The following MAOB variants were observed in gnomAD, a reference collection of about 807,000 sequenced individuals.
MAOB encodes the protein monoamine oxidase B.
A neutral mutation model predicts 41.9 loss-of-function variants in MAOB; 15 were observed. The observed-to-expected ratio is 0.36, with a 90% CI of 0.24 to 0.55. The LOEUF is 0.55. Among genes scored for constraint, MAOB ranks in the 20% least tolerant of loss-of-function variants. The probability of loss-of-function intolerance (pLI) is 0.86; values close to 1 mark genes in which losing one functional copy is unlikely to be tolerated. For missense variants in MAOB, 345 were observed against 398.7 expected, an observed-to-expected ratio of 0.87 and a Z score of 1.15; for synonymous variants, 167 against 144.2, an observed-to-expected ratio of 1.16 and a Z score of -1.13.
At chrX:43,783,227 G>T (rs1387126868) in intron 8 of MAOB, among the ~76,000 whole-genome samples, 1 of 112,025 alleles carries the variant, frequency 8.9e-6, no homozygotes, top group Non-Finnish European at 1.9e-5. Context: ...TGACATGATT[G>T]TATATTTATT....
chrX:43,808,714 A>G (rs931920464), intron 3 of MAOB, among the ~76,000 whole-genome samples: 10 of 109,082 alleles, frequency 9.2e-5, no homozygotes, highest in African/African-American at 3.4e-4. Flanking sequence ...ACACACACAC[A>G]CACACACACA....
intron 1 of MAOB, among the ~76,000 whole-genome samples, chrX:43,866,693 A>G (rs1157608464): frequency 8.9e-6 from 1 of 112,840 alleles, no homozygotes; most frequent in Non-Finnish European, 1.9e-5. Context: ...CTGTACACCT[A>G]AAACAGTTAA....
intron 1 of MAOB, among the ~76,000 whole-genome samples, chrX:43,856,015 A>G (rs1345242501): frequency 8.9e-6 from 1 of 111,839 alleles, no homozygotes; most frequent in Non-Finnish European, 1.9e-5. Flanking sequence ...CCCTTGAAAA[A>G]GCAAAAATAA....
intron 11 of MAOB, 70 bp from the exon 12 acceptor site, chrX:43,775,342 A>G (rs2034241790): frequency 2.6e-6 from 3 of 1,146,246 alleles, no homozygotes; most frequent in Middle Eastern, 2.4e-4. Context: ...TAAATCGAAC[A>G]GTTTAGTAGG....
At chrX:43,874,244 C>A (rs1569233976) in intron 1 of MAOB, among the ~76,000 whole-genome samples, 1 of 111,964 alleles carries the variant, frequency 8.9e-6, no homozygotes, top group Non-Finnish European at 1.9e-5. Flanking sequence ...CATTAAATTA[C>A]AACTAATTAT....
chrX:43,832,400 C>T (rs777241279), intron 3 of MAOB, among the ~76,000 whole-genome samples: 7 of 111,642 alleles, frequency 6.3e-5, no homozygotes, highest in Non-Finnish European at 1.1e-4. Flanking sequence ...CTGAACAACA[C>T]AGGTTTGAAC....
intron 3 of MAOB, among the ~76,000 whole-genome samples, chrX:43,803,690 T>C (rs2034626965): frequency 8.9e-6 from 1 of 111,891 alleles, no homozygotes; most frequent in Non-Finnish European, 1.9e-5. Flanking sequence ...TACAAGTACA[T>C]AAGTGGAGTT....
chrX:43,797,788 C>A (rs1421353368), intron 5 of MAOB, among the ~76,000 whole-genome samples: 1 of 112,017 alleles, frequency 8.9e-6, no homozygotes, highest in Admixed American at 9.5e-5. Flanking sequence ...CACCTGGTAT[C>A]TGTTCACCAC....
intron 2 of MAOB, among the ~76,000 whole-genome samples, chrX:43,842,329 A>C (rs2035146548): frequency 8.9e-6 from 1 of 112,353 alleles, no homozygotes; most frequent in South Asian, 3.7e-4. Flanking sequence ...ACTAATCATT[A>C]GGGAAATCCA....
At chrX:43,836,372 A>G (rs751326704) in intron 3 of MAOB, among the ~76,000 whole-genome samples, 2 of 112,670 alleles carry the variant, frequency 1.8e-5, no homozygotes, top group East Asian at 5.6e-4. Flanking sequence ...CTTCTTAGCT[A>G]TAAGGTCTTC....
chrX:43,785,430 C>A (rs974153809), intron 8 of MAOB, among the ~76,000 whole-genome samples: 1 of 112,634 alleles, frequency 8.9e-6, no homozygotes, highest in Non-Finnish European at 1.9e-5. Context: ...CTGGTTTGAT[C>A]TTCTATTCAG....
chrX:43,882,135 G>A, intron 1 of MAOB, 119 bp downstream of exon 1: 1 of 1,106,377 alleles, frequency 9.0e-7, no homozygotes, highest in South Asian at 2.2e-5. Flanking sequence ...CTGCCCGTGC[G>A]TGGACAGTCT....
At chrX:43,846,986 C>T (rs369654769) in intron 1 of MAOB, among the ~76,000 whole-genome samples, 2 of 112,150 alleles carry the variant, frequency 1.8e-5, no homozygotes, top group Non-Finnish European at 3.8e-5. Flanking sequence ...AATGTAATCG[C>T]CACTGTTTAA....
chrX:43,820,830 T>A (rs1404556500), intron 3 of MAOB, among the ~76,000 whole-genome samples: 2 of 112,324 alleles, frequency 1.8e-5, no homozygotes, highest in Non-Finnish European at 3.8e-5. Flanking sequence ...TGCATAGATA[T>A]TGACTAATAT....
chrX:43,795,234 A>G (rs1457406988), intron 7 of MAOB, among the ~76,000 whole-genome samples: 1 of 111,735 alleles, frequency 8.9e-6, no homozygotes. Flanking sequence ...TTGATTTGCT[A>G]CAGTGGCTCA....
At chrX:43,814,098 G>A (rs940542198) in intron 3 of MAOB, among the ~76,000 whole-genome samples, 2 of 110,708 alleles carry the variant, frequency 1.8e-5, no homozygotes, top group African/African-American at 6.6e-5. Flanking sequence ...GGCAGGCAGA[G>A]GCCCTAGTGT....
chrX:43,843,922 G>C, intron 1 of MAOB, 158 bp from the exon 2 acceptor site: 1 of 987,179 alleles, frequency 1.0e-6, no homozygotes, highest in Non-Finnish European at 1.3e-6. Context: ...TAGAGGCCCA[G>C]AGTCTGATGT....
intron 1 of MAOB, among the ~76,000 whole-genome samples, chrX:43,877,130 T>A (rs965208085): frequency 8.9e-6 from 1 of 112,378 alleles, no homozygotes; most frequent in East Asian, 2.8e-4. Flanking sequence ...AAGTAAGGCA[T>A]GGGAAGGTTA....
At position 43,853,436 on chromosome X, in the gene MAOB, G is replaced by A. The variant is rs190247011; in HGVS notation, c.47-9672C>T. ...TGCCCTCAGCTAGAGCAAGGAGGAA[G>A]GGAAAGTGTGCTGCCACCTCTGAGG... is the stretch of plus-strand genomic sequence containing the variant. On this transcript the variant is annotated intron_variant, in intron 1 of 14. Transcript: ENST00000378069. Among the ~76,000 whole-genome samples, 236 of 110,808 alleles carry A rather than the reference G, an allele frequency of 2.1e-3. 1 individual carries two copies. Among genetic ancestry groups the A allele is most frequent in the Non-Finnish European group, 3.7e-3 (197 of 52,927 alleles).
Sources: gnomAD v4.1 joint callset for allele counts (sites outside exome capture counted in the v4.1 genomes callset) on GRCh38, gnomAD v4.1.1 for gene constraint, MANE v1.5 for transcripts, NCBI Gene and HGNC (gene_info 2026-07-23, HGNC 2026-07-21) for gene names.